Variants in SASH1 observed in about 807,000 individuals in gnomAD.
SASH1 encodes SAM and SH3 domain containing 1.
SASH1 carries 44 observed loss-of-function variants against 125.2 expected under a neutral mutation model. The ratio of observed to expected loss-of-function variants is 0.35; its 90% CI spans 0.28 to 0.45. The LOEUF is 0.45. Ranked by LOEUF, SASH1 falls within the 20% of genes least tolerant of loss-of-function variation. SASH1 has a pLI of 1.00. For synonymous variants in SASH1, 639 were observed against 649.1 expected (o/e 0.98, Z 0.24); for missense variants, 1,426 against 1,614.5 (o/e 0.88, Z 2.00).
At chr6:148,521,999 T>G (rs1338205129) in intron 10 of SASH1, among the ~76,000 whole-genome samples, 2 of 152,336 alleles carry the variant, frequency 1.3e-5, no homozygotes, top group Non-Finnish European at 1.5e-5. Context: ...CTCTAGAAGT[T>G]ATATTTCTGG....
intron 9 of SASH1, among the ~76,000 whole-genome samples, chr6:148,518,411 A>C (rs76236556): frequency 1.2e-3 from 186 of 152,280 alleles, no homozygotes; most frequent in African/African-American, 4.3e-3. Context: ...TTGTACCTAT[A>C]AATCCCATCA....
At chr6:148,537,776 C>CTGTG (rs55644027) in intron 16 of SASH1, among the ~76,000 whole-genome samples, 3,936 of 125,502 alleles carry the variant, frequency 0.031, 81 homozygotes, top group Middle Eastern at 0.053. Flanking sequence ...TTAGCATATT[C>CTGTG]TGTGTGTGTG....
chr6:148,353,522 C>T (rs76695994), intron 1 of SASH1, among the ~76,000 whole-genome samples: 34,236 of 149,098 alleles, frequency 0.23, 4,285 homozygotes, highest in East Asian at 0.28. Flanking sequence ...GCAACCTCTG[C>T]CTCCCAGATT....
chr6:148,490,676 T>C (rs758739386), intron 8 of SASH1, among the ~76,000 whole-genome samples: 4 of 152,248 alleles, frequency 2.6e-5, no homozygotes, highest in Admixed American at 6.5e-5. Context: ...TTTTCCTATC[T>C]ATGTTCCATA....
chr6:148,423,540 C>T (rs1775666337), intron 2 of SASH1, among the ~76,000 whole-genome samples: 1 of 152,228 alleles, frequency 6.6e-6, no homozygotes, highest in African/African-American at 2.4e-5. Flanking sequence ...TCAAATTTAG[C>T]ACCTCCTGTT....
At chr6:148,369,831 G>A (rs2114741759) in intron 1 of SASH1, among the ~76,000 whole-genome samples, 1 of 151,936 alleles carries the variant, frequency 6.6e-6, no homozygotes, top group East Asian at 1.9e-4. Context: ...GTGTGTGCTT[G>A]TAATCCCAGC....
intron 8 of SASH1, among the ~76,000 whole-genome samples, chr6:148,493,412 C>T (rs1220164015): frequency 1.3e-5 from 2 of 152,162 alleles, no homozygotes; most frequent in Non-Finnish European, 2.9e-5. Context: ...TCAGCCACCA[C>T]GGGTTATAGG....
intron 2 of SASH1, among the ~76,000 whole-genome samples, chr6:148,392,122 T>TA (rs1400204466): frequency 6.6e-6 from 1 of 151,846 alleles, no homozygotes; most frequent in African/African-American, 2.4e-5. Context: ...CCGTCTCTAC[T>TA]AAAAAAATAT....
chr6:148,423,096 G>A (rs913561885), intron 2 of SASH1, among the ~76,000 whole-genome samples: 1 of 152,032 alleles, frequency 6.6e-6, no homozygotes, highest in Non-Finnish European at 1.5e-5. Flanking sequence ...ACGCCACCAC[G>A]CCCAGCTAAT....
At chr6:148,521,220 G>A (rs1780787737) in intron 10 of SASH1, among the ~76,000 whole-genome samples, 1 of 152,204 alleles carries the variant, frequency 6.6e-6, no homozygotes, top group Non-Finnish European at 1.5e-5. Context: ...GGTGCAAAGT[G>A]AGGAAGTAGA....
Position 148,544,098 on chromosome 6 carries a change from C to T in SASH1, c.2628C>T (p.Ser876=). Residue 876 remains serine (S), a synonymous_variant, in exon 18 of 20, where the codon TCC becomes TCT. Transcript: ENST00000367467. This position sits in a 1 kb window ranked among gnomAD's most constrained non-coding sequence, Gnocchi z 6.4. ...TGCCACAGAAGACGACCGCCTCTTC[C>T]ACGAAGGCCCAGCCCCTGGAGCAAG... ...PEVPQKTTAS[S]TKAQPLEQDS... 1 of 1,614,104 alleles carries T rather than the reference C, an allele frequency of 6.2e-7. No homozygotes were observed. The highest frequency in any genetic ancestry group is 1.3e-5 in the African/African-American group (1 of 75,034).
the SASH1 span, among the ~76,000 whole-genome samples, chr6:148,247,372 A>T: frequency 6.6e-6 from 1 of 152,200 alleles, no homozygotes; most frequent in Non-Finnish European, 1.5e-5. Context: ...AGATCCTGAG[A>T]AATTATAATG....
chr6:148,257,641 T>TG, the SASH1 span, among the ~76,000 whole-genome samples: 1 of 149,106 alleles, frequency 6.7e-6, no homozygotes. Context: ...TTTTTTTTTT[T>TG]TTTTTTTTGA....
intron 2 of SASH1, among the ~76,000 whole-genome samples, chr6:148,421,193 G>A (rs941144884): frequency 1.3e-4 from 19 of 142,646 alleles, no homozygotes; most frequent in African/African-American, 4.9e-4. Context: ...AAGAAAGAAA[G>A]AAAGAAAGAA....
the SASH1 span, among the ~76,000 whole-genome samples, chr6:148,214,342 G>A: frequency 6.6e-6 from 1 of 152,178 alleles, no homozygotes; most frequent in Non-Finnish European, 1.5e-5. Context: ...AATGATACAT[G>A]CAGTTGAGTG....
chr6:148,513,642 G>A (rs931708906), intron 8 of SASH1: 3 of 985,524 alleles, frequency 3.0e-6, no homozygotes, highest in Admixed American at 1.2e-4. Flanking sequence ...ATGGGCTGCT[G>A]GGGAATATGG....
intron 2 of SASH1, among the ~76,000 whole-genome samples, chr6:148,428,993 T>C (rs1410779323): frequency 6.6e-6 from 1 of 152,020 alleles, no homozygotes; most frequent in East Asian, 1.9e-4. Context: ...AAATGAGACA[T>C]GAAAAGCTGA....
At chr6:148,287,794 T>C (rs558542607) in intron 1 of SASH1, among the ~76,000 whole-genome samples, 1 of 152,292 alleles carries the variant, frequency 6.6e-6, no homozygotes, top group East Asian at 1.9e-4. Flanking sequence ...TTCCCTTTGA[T>C]GAAGCTGTTA....
At chr6:148,374,019 T>C (rs1474166327) in intron 1 of SASH1, among the ~76,000 whole-genome samples, 1 of 152,208 alleles carries the variant, frequency 6.6e-6, no homozygotes, top group East Asian at 1.9e-4. Context: ...ACAGTTGAAC[T>C]GCTGTGCTCT....
Sources: allele counts gnomAD v4.1 joint callset (sites outside exome capture counted in the v4.1 genomes callset), GRCh38; gene constraint gnomAD v4.1.1; non-coding constraint Gnocchi (gnomAD v3.1); transcripts MANE v1.5; gene names NCBI Gene and HGNC (gene_info 2026-07-23, HGNC 2026-07-21).